NPIPB7: variants seen among roughly 807,000 people sequenced by gnomAD.
NPIPB7 encodes the protein nuclear pore complex-interacting protein family member B7.
For synonymous variants in NPIPB7, 9 were observed against 88.1 expected (o/e 0.10, Z 5.03); for missense variants, 14 against 238.5 (o/e 0.06, Z 6.20).
intron 4 of NPIPB7, among the ~76,000 whole-genome samples, chr16:28,461,947 CAAA>C (rs56100146): frequency 0.054 from 4,884 of 89,682 alleles, 25 homozygotes; most frequent in African/African-American, 0.22. Context: ...GACTCTGTCT[CAAA>C]AAAAAAAAAA....
chr16:28,461,961 A>C lies in NPIPB7; in HGVS notation c.545+713T>G, dbSNP rs1412683036. On this transcript the variant is annotated intron_variant, in intron 4 of 6. Coordinates refer to ENST00000452313, the Ensembl canonical transcript of NPIPB7. ...AGACTCTGTCTCAAAAAAAAAAAAA[A>C]AAAAAAAAATTGGCCGAATGTGGTG... 1.4e-3 allele frequency among the ~76,000 whole-genome samples: 216 copies of C among 149,296 alleles called. 5 individuals are homozygous for C. The highest frequency in any genetic ancestry group is 5.1e-3 in the African/African-American group (205 of 40,016).
At chr16:28,470,186 T>C (rs1213317494) in intron 1 of NPIPB7, among the ~76,000 whole-genome samples, 187 bp downstream of exon 1, 6 of 133,076 alleles carry the variant, frequency 4.5e-5, no homozygotes, top group African/African-American at 1.8e-4. Flanking sequence ...TAATCTTTTT[T>C]GGAATTTTTT....
At chr16:28,470,745 G>C (rs2045944551), upstream of NPIPB7, among the ~76,000 whole-genome samples, 1 of 150,922 alleles carries the variant, frequency 6.6e-6, no homozygotes, top group South Asian at 2.1e-4. Context: ...GTCTGGGAAA[G>C]GATCCGGTTC....
chr16:28,470,020 CATTTCACT>C (rs2045933282), intron 1 of NPIPB7, among the ~76,000 whole-genome samples: 1 of 144,648 alleles, frequency 6.9e-6, no homozygotes, highest in Non-Finnish European at 1.5e-5. Context: ...AATCAAATGA[CATTTCACT>C]TTGTTTTGGT....
chr16:28,463,651 A>T, intron 2 of NPIPB7, among the ~76,000 whole-genome samples: 2 of 119,172 alleles, frequency 1.7e-5, no homozygotes. Context: ...ACTTGAACCC[A>T]GCAAGAAAAG....
chr16:28,464,921 A>C (rs1338786493), intron 2 of NPIPB7, among the ~76,000 whole-genome samples: 3 of 146,592 alleles, frequency 2.0e-5, no homozygotes, highest in African/African-American at 7.7e-5. Context: ...TGAAAAGAGC[A>C]ACCACGTCAA....
chr16:28,462,081 C>T (rs1463414569), intron 4 of NPIPB7, among the ~76,000 whole-genome samples: 6 of 148,272 alleles, frequency 4.0e-5, no homozygotes, highest in East Asian at 4.1e-4. Context: ...TGCACCATAG[C>T]ACTCCAGCCT....
chr16:28,464,869 T>A (rs932680639), intron 2 of NPIPB7, among the ~76,000 whole-genome samples: 1 of 149,934 alleles, frequency 6.7e-6, no homozygotes, highest in Admixed American at 6.6e-5. Flanking sequence ...AAAAAAATCA[T>A]GTACTAGGAT....
chr16:28,472,030 CA>C (rs944388852), upstream of NPIPB7, among the ~76,000 whole-genome samples: 54 of 142,262 alleles, frequency 3.8e-4, no homozygotes, highest in South Asian at 4.4e-4. Flanking sequence ...ACTCCGTCTC[CA>C]AAAAAAAAAA....
At position 28,461,211 on chromosome 16, in the gene NPIPB7, A is replaced by G. The variant is rs1182856109; in HGVS notation, c.545+1463T>C. Among the ~76,000 whole-genome samples, 8 of 150,828 alleles carry G rather than the reference A, an allele frequency of 5.3e-5. 1 individual carries two copies. In the East Asian group the frequency reaches 1.6e-3, roughly 31 times the overall value. ...ATGAAAGCGACCCGTACTGAAATCC[A>G]CTGGCTCTGGTTGAGACCCAGAAGA... On this transcript the variant is annotated intron_variant, in intron 4 of 6. Coordinates refer to ENST00000452313, the Ensembl canonical transcript of NPIPB7.
chr16:28,466,531 AC>A, intron 2 of NPIPB7, 188 bp downstream of exon 2: 1 of 125,476 alleles, frequency 8.0e-6, no homozygotes. Context: ...TTAAACAAAC[AC>A]CGACCTATTT....
intron 4 of NPIPB7, among the ~76,000 whole-genome samples, chr16:28,462,182 G>A (rs2045875575): frequency 6.7e-6 from 1 of 150,288 alleles, no homozygotes; most frequent in African/African-American, 2.5e-5. Flanking sequence ...CACTTTGGGA[G>A]GCTGAGGCAG....
chr16:28,468,593 G>T (rs1391425788), intron 1 of NPIPB7, among the ~76,000 whole-genome samples: 2 of 135,334 alleles, frequency 1.5e-5, no homozygotes, highest in Non-Finnish European at 3.2e-5. Context: ...TGGACCACGA[G>T]ATCAGGAGAT....
chr16:28,468,778 G>T (rs1235459036), intron 1 of NPIPB7, among the ~76,000 whole-genome samples: 4 of 108,652 alleles, frequency 3.7e-5, no homozygotes, highest in Non-Finnish European at 8.2e-5. Context: ...CTGCACTTCA[G>T]CCTGGGTGAC....
intron 1 of NPIPB7, among the ~76,000 whole-genome samples, chr16:28,468,483 C>T (rs2141683839): frequency 6.7e-6 from 1 of 149,034 alleles, no homozygotes; most frequent in African/African-American, 2.5e-5. Flanking sequence ...TTACTTCATT[C>T]ACAAATAAGT....
intron 2 of NPIPB7, among the ~76,000 whole-genome samples, chr16:28,463,776 C>G (rs1596611831): frequency 7.4e-6 from 1 of 134,874 alleles, no homozygotes; most frequent in African/African-American, 2.6e-5. Context: ...GTAGCTCACG[C>G]CTGTAATCCC....
exon 1 of NPIPB7, chr16:28,470,522 ACCGGGG>A: frequency 1.3e-6 from 1 of 752,510 alleles, no homozygotes; most frequent in Non-Finnish European, 1.9e-6. Context: ...GGGGACGGGG[ACCGGGG>A]CCGGATCTGA....
rs552206514 is a variant in NPIPB7, at chr16:28,468,772, A to G, written c.66+1601T>C. 8.3e-4 allele frequency among the ~76,000 whole-genome samples: 94 copies of G among 113,236 alleles called. 6 individuals carry two copies. In the East Asian group the frequency reaches 0.023, roughly 28 times the overall value. The allele number at this position is 113,236 out of a possible 152,430, so 74.3% of individuals were successfully genotyped here. A position where few individuals can be genotyped will look rare whatever the true frequency, so the allele number is the denominator to read the frequency against. On this transcript the variant is annotated intron_variant, in intron 1 of 6. Coordinates refer to ENST00000452313, the Ensembl canonical transcript of NPIPB7. Reference sequence around the variant, plus strand: ...CAGTGAGCCGAGATCGCACCACTGCACTTCAGCCTGGGTGACAGAGTGAGA... The same window carrying G: ...CAGTGAGCCGAGATCGCACCACTGCGCTTCAGCCTGGGTGACAGAGTGAGA...
At chr16:28,462,169 C>T (rs2045875456) in intron 4 of NPIPB7, among the ~76,000 whole-genome samples, 1 of 150,284 alleles carries the variant, frequency 6.7e-6, no homozygotes, top group Admixed American at 6.6e-5. Context: ...CCTCTAATCC[C>T]AGCACTTTGG....
Sources: allele counts gnomAD v4.1 joint callset (sites outside exome capture counted in the v4.1 genomes callset), GRCh38; gene constraint gnomAD v4.1.1; transcripts MANE v1.5; gene names NCBI Gene and HGNC (gene_info 2026-07-23, HGNC 2026-07-21).